The following IFI16 variants were observed in gnomAD, a reference collection of about 807,000 sequenced individuals.
The protein encoded by IFI16 is gamma-interferon-inducible protein 16.
Under a neutral mutation model 68.4 loss-of-function variants are expected in IFI16, and 49 were observed. That is an observed-to-expected ratio of 0.72 (90% confidence interval 0.57 to 0.91). The LOEUF (loss-of-function observed/expected upper bound fraction) is 0.91, where lower values mean the gene tolerates loss of function less well. IFI16 is among the 40% of genes least tolerant of loss of function. The probability of loss-of-function intolerance (pLI) is 0.00; values close to 1 mark genes in which losing one functional copy is unlikely to be tolerated. For synonymous variants in IFI16, 307 were observed against 315.0 expected (o/e 0.97, Z 0.27); for missense variants, 878 against 942.9 (o/e 0.93, Z 0.90).
chr1:159,054,960 T>C lies in IFI16; in HGVS notation c.*59T>C. The C allele has an allele frequency of 2.2e-6, 2 of 892,366 alleles. No individual in the cohort carries two copies. Among genetic ancestry groups the C allele is most frequent in the Non-Finnish European group, 3.7e-6 (2 of 545,582 alleles). 55.3% of individuals were successfully genotyped at this position (892,366 alleles called of 1,614,324 possible). On this transcript the variant is annotated 3_prime_UTR_variant, in exon 12 of 12. Transcript: ENST00000295809. ...GATAAGGTCTAAGTGCCTAAAAAAA[T>C]GTACATATACCTGGTTGAAATACAA... is the stretch of plus-strand genomic sequence containing the variant.
At chr1:159,016,467 A>G in intron 3 of IFI16, 66 bp from the exon 4 acceptor site, 2 of 1,386,846 alleles carry the variant, frequency 1.4e-6, no homozygotes, top group Non-Finnish European at 2.0e-6. Flanking sequence ...ACTATCCAAT[A>G]ATGAAAATGT....
chr1:159,021,194 G>A (rs1263931580), intron 6 of IFI16, among the ~76,000 whole-genome samples: 6 of 152,100 alleles, frequency 3.9e-5, no homozygotes, highest in African/African-American at 9.7e-5. Context: ...TGCACCCATC[G>A]TCCAAGCAGC....
intron 9 of IFI16, 52 bp downstream of exon 9, chr1:159,049,651 G>C (rs1209972879): frequency 6.2e-7 from 1 of 1,603,506 alleles, no homozygotes; most frequent in Non-Finnish European, 8.5e-7. Context: ...ATAATGACAA[G>C]GATTAACACA....
At chr1:159,034,515 GACCACA>G (rs1316211116) in intron 7 of IFI16, among the ~76,000 whole-genome samples, 1 of 152,162 alleles carries the variant, frequency 6.6e-6, no homozygotes, top group Non-Finnish European at 1.5e-5. Context: ...CTTCGTTCAT[GACCACA>G]TTCCAGGTTT....
intron 6 of IFI16, among the ~76,000 whole-genome samples, chr1:159,025,735 A>G (rs1653627794): frequency 6.6e-6 from 1 of 152,192 alleles, no homozygotes; most frequent in African/African-American, 2.4e-5. Flanking sequence ...CTTAGTCCTG[A>G]AGTCTCTGCC....
intron 8 of IFI16, among the ~76,000 whole-genome samples, chr1:159,046,048 T>G (rs1309138762): frequency 2.0e-5 from 3 of 151,432 alleles, no homozygotes; most frequent in African/African-American, 7.2e-5. Flanking sequence ...TTAATATATC[T>G]TGAACTGCCA....
chr1:159,053,486 A>T (rs1655482570), intron 10 of IFI16, 47 bp from the exon 11 acceptor site: 1 of 1,375,372 alleles, frequency 7.3e-7, no homozygotes, highest in Admixed American at 1.8e-5. Flanking sequence ...TAGATTTGAA[A>T]ATTATTGATC....
chr1:159,014,368 G>T (rs1485701841), intron 1 of IFI16, among the ~76,000 whole-genome samples: 1 of 152,072 alleles, frequency 6.6e-6, no homozygotes, highest in Non-Finnish European at 1.5e-5. Context: ...CAAGGGCTTT[G>T]ACACTGCAGA....
intron 7 of IFI16, among the ~76,000 whole-genome samples, chr1:159,037,606 TACTC>T: frequency 6.6e-6 from 1 of 152,342 alleles, no homozygotes; most frequent in East Asian, 1.9e-4. Flanking sequence ...ATTAAAATAT[TACTC>T]AACGAAATCT....
At chr1:159,027,336 A>C (rs1041489131) in intron 6 of IFI16, among the ~76,000 whole-genome samples, 6 of 151,910 alleles carry the variant, frequency 3.9e-5, no homozygotes, top group African/African-American at 1.5e-4. Flanking sequence ...ACATTTATTG[A>C]CTTGTGTATG....
At chr1:159,032,495 A>G (rs1235581071) in intron 6 of IFI16, 29 bp from the exon 7 acceptor site, 3 of 1,418,990 alleles carry the variant, frequency 2.1e-6, no homozygotes, top group Non-Finnish European at 2.9e-6. Flanking sequence ...AATATTGAAA[A>G]CCATTAAACA....
rs781297518 is a variant in IFI16 at position 159,014,657 on chromosome 1, G to A, written c.-20-4G>A. 1.3e-6 allele frequency: 2 copies of A among 1,561,882 alleles called. No homozygotes were observed. The highest frequency in any genetic ancestry group is 1.4e-5 in the African/African-American group (1 of 72,828). On this transcript the variant is annotated splice_region_variant and splice_polypyrimidine_tract_variant and intron_variant, in intron 1 of 11. Transcript: ENST00000295809. ...AACACTGTATATACCATTTTCTCTT[G>A]TAGGCTCACTTATGTCTGTAAAGAT... is the stretch of plus-strand genomic sequence containing the variant.
intron 1 of IFI16, among the ~76,000 whole-genome samples, chr1:159,012,802 CAGAACAGGAA>C (rs1195148879): frequency 6.6e-6 from 1 of 152,120 alleles, no homozygotes; most frequent in African/African-American, 2.4e-5. Context: ...GGGTTGTTTA[CAGAACAGGAA>C]AGAACAGGAA....
chr1:159,042,411 C>G (rs1468821193), intron 7 of IFI16, among the ~76,000 whole-genome samples: 5 of 152,072 alleles, frequency 3.3e-5, no homozygotes, highest in Admixed American at 3.3e-4. Flanking sequence ...ATGTGTTCAT[C>G]CTCTATATTC....
chr1:159,048,431 C>T (rs1359046999), intron 8 of IFI16, among the ~76,000 whole-genome samples: 1 of 151,484 alleles, frequency 6.6e-6, no homozygotes, highest in East Asian at 1.9e-4. Context: ...CCTTATTGAA[C>T]TTAAAATGTT....
chr1:159,013,442 A>T lies in IFI16; in HGVS notation c.-20-1219A>T, dbSNP rs190083319. On this transcript the variant is annotated intron_variant, in intron 1 of 11. Transcript: ENST00000295809. The stretch of plus-strand genomic sequence containing the variant: ...CTCGGCCTCCCAACATGCTGGAATT[A>T]CAGGCGTGAGCCACTGCGCCTGGCC... 2.2e-3 allele frequency among the ~76,000 whole-genome samples: 336 copies of T among 152,284 alleles called. 2 individuals are homozygous for T. Among genetic ancestry groups the T allele is most frequent in the African/African-American group, 7.9e-3 (329 of 41,556 alleles).
rs1473400846 is a variant in IFI16, at chr1:159,051,717, C to T, written c.1704C>T (p.Ser568=). 2 of 1,613,350 alleles carry T rather than the reference C, an allele frequency of 1.2e-6. No homozygotes were observed. Among genetic ancestry groups the T allele is most frequent in the Admixed American group, 1.7e-5 (1 of 59,954 alleles). ...TGAAGACTGAACCTGAAGAAGTTTC[C>T]ATAGAAGACAGTGCCCAGAGTGACC... is the stretch of plus-strand genomic sequence containing the variant. ...PRLKTEPEEV[S]IEDSAQSDLK... The change falls in exon 10 of 12, where the codon TCC becomes TCT. Residue 568 remains serine (S), a synonymous_variant. Coordinates refer to ENST00000295809, the MANE Select transcript of IFI16 (RefSeq NM_001376587.1).
chr1:159,050,083 C>T (rs1275508043), intron 9 of IFI16, among the ~76,000 whole-genome samples: 1 of 152,204 alleles, frequency 6.6e-6, no homozygotes, highest in African/African-American at 2.4e-5. Context: ...TTATACCTTT[C>T]AGTATGTATA....
At chr1:159,023,020 T>A (rs1557868311) in intron 6 of IFI16, among the ~76,000 whole-genome samples, 1 of 152,188 alleles carries the variant, frequency 6.6e-6, no homozygotes, top group Non-Finnish European at 1.5e-5. Context: ...CAGAGATAAG[T>A]TTTTGTATAA....
Sources: gnomAD v4.1 joint callset for allele counts (sites outside exome capture counted in the v4.1 genomes callset) on GRCh38, gnomAD v4.1.1 for gene constraint, MANE v1.5 for transcripts, NCBI Gene and HGNC (gene_info 2026-07-23, HGNC 2026-07-21) for gene names.